The following UNC13B variants were observed in gnomAD, a reference collection of about 807,000 sequenced individuals.
UNC13B encodes the protein unc-13 homolog B, also known as protein unc-13 homolog B.
A neutral mutation model predicts 211.0 loss-of-function variants in UNC13B; 144 were observed. The ratio of observed to expected loss-of-function variants is 0.68; its 90% CI spans 0.60 to 0.78. UNC13B has a LOEUF of 0.78. UNC13B is among the 30% of genes least tolerant of loss of function. UNC13B has a pLI of 0.00. For missense variants in UNC13B, 1,777 were observed against 2,002.0 expected (o/e 0.89, Z 2.14); for synonymous variants, 709 against 725.8 (o/e 0.98, Z 0.37).
At position 35,237,806 on chromosome 9, in the gene UNC13B, C is replaced by T; in HGVS notation, c.374C>T (p.Thr125Ile). 1 of 1,613,010 alleles carries T rather than the reference C, an allele frequency of 6.2e-7. No individual in the cohort carries two copies. Reference protein sequence around the residue: ...NPTPHKILLDTRFELPFDIPE... With the variant: ...NPTPHKILLDIRFELPFDIPE... ...ACTCCTCATAAAATTTTGCTTGATA[C>T]AAGATTTGAGTTGCCTTTTGGTGAG... Residue 125 changes from threonine (T) to isoleucine (I), a missense_variant, in exon 5 of 40, where the codon ACA (threonine) becomes ATA (isoleucine). Coordinates refer to ENST00000635942, the MANE Select transcript of UNC13B (RefSeq NM_001371189.2).
intron 1 of UNC13B, among the ~76,000 whole-genome samples, chr9:35,184,757 AAAGG>A (rs58197398): frequency 0.57 from 60,203 of 105,982 alleles, 16,149 homozygotes; most frequent in South Asian, 0.63. Context: ...AGAAAGAAAG[AAAGG>A]AAGGAAGGAA....
At chr9:35,236,693 C>A in intron 4 of UNC13B, 107 bp downstream of exon 4, 1 of 1,024,790 alleles carries the variant, frequency 9.8e-7, no homozygotes. Context: ...GATTATTCTT[C>A]CCCCTTTCTA....
At chr9:35,254,213 G>A (rs768008139) in intron 6 of UNC13B, among the ~76,000 whole-genome samples, 11 of 152,192 alleles carry the variant, frequency 7.2e-5, no homozygotes, top group Middle Eastern at 3.4e-3. Flanking sequence ...GTGCTATAGG[G>A]GATTTCTTAG....
chr9:35,242,339 T>C (rs1033900897), intron 5 of UNC13B, among the ~76,000 whole-genome samples: 2 of 152,172 alleles, frequency 1.3e-5, no homozygotes, highest in African/African-American at 4.8e-5. Context: ...CATTTTTAAG[T>C]GTACAGTTCA....
chr9:35,399,861 A>T, intron 36 of UNC13B, 132 bp downstream of exon 36: 1 of 865,736 alleles, frequency 1.2e-6, no homozygotes, highest in Middle Eastern at 3.4e-4. Flanking sequence ...ATGTACTGCC[A>T]AGGATACAGA....
intron 1 of UNC13B, among the ~76,000 whole-genome samples, chr9:35,183,617 G>T (rs1822123962): frequency 5.0e-5 from 7 of 139,166 alleles, no homozygotes; most frequent in Middle Eastern, 4.5e-3. Context: ...CTCCCAGACG[G>T]GGCGGCCGGG....
intron 11 of UNC13B, among the ~76,000 whole-genome samples, chr9:35,366,493 G>A (rs1833779575): frequency 6.6e-6 from 1 of 152,128 alleles, no homozygotes; most frequent in African/African-American, 2.4e-5. Flanking sequence ...AAATGAGATA[G>A]GAATCCAGAG....
intron 11 of UNC13B, chr9:35,361,522 G>A (rs1025700893): frequency 1.8e-4 from 27 of 152,170 alleles, no homozygotes; most frequent in Non-Finnish European, 2.8e-4. Flanking sequence ...TCTAAGTCCT[G>A]AAAGTTATAG....
chr9:35,377,657 A>G lies in UNC13B; in HGVS notation c.10025A>G (p.Asp3342Gly). Residue 3342 changes from aspartate (D) to glycine (G), a missense_variant, in exon 16 of 40, where the codon GAT becomes GGT. Transcript: ENST00000635942. ...QMKTVKQSVL[D>G]GTSKWSAKIT... ...AAAACAGTGAAGCAGAGTGTACTGG[A>G]TGGCACCTCCAAATGGTCAGCCAAG... The G allele has an allele frequency of 6.2e-7, 1 of 1,614,168 alleles. No individual in the cohort carries two copies.
At chr9:35,365,576 T>G (rs1443625380) in intron 11 of UNC13B, among the ~76,000 whole-genome samples, 1 of 148,076 alleles carries the variant, frequency 6.8e-6, no homozygotes, top group Non-Finnish European at 1.5e-5. Context: ...ATTTAGGGAT[T>G]GGCTCCCCAA....
chr9:35,184,899 T>G (rs1277798489), intron 1 of UNC13B, among the ~76,000 whole-genome samples: 2 of 151,808 alleles, frequency 1.3e-5, no homozygotes, highest in Non-Finnish European at 2.9e-5. Context: ...TTTAAAAATG[T>G]TTCTTTACCT....
intron 37 of UNC13B, chr9:35,402,124 T>G: frequency 2.0e-5 from 18 of 908,348 alleles, no homozygotes; most frequent in Non-Finnish European, 3.1e-5. Flanking sequence ...TTAGGAGCTC[T>G]ATCTCAAGTC....
intron 1 of UNC13B, among the ~76,000 whole-genome samples, chr9:35,209,218 C>T (rs962692989): frequency 1.3e-5 from 2 of 152,102 alleles, no homozygotes; most frequent in African/African-American, 4.8e-5. Flanking sequence ...GCATATACCA[C>T]CGCACCGGCT....
chr9:35,267,511 G>T (rs1827642404), intron 7 of UNC13B, among the ~76,000 whole-genome samples: 1 of 152,188 alleles, frequency 6.6e-6, no homozygotes. Flanking sequence ...TTATTCACAT[G>T]CTGTGTCAGT....
In UNC13B at chr9:35,400,316, C is replaced by T; in HGVS notation, c.12357C>T (p.Gly4119=). The change falls in exon 37 of 40, where the codon GGC becomes GGT. Residue 4119 remains glycine (G), a synonymous_variant. Coordinates refer to ENST00000635942, the MANE Select transcript of UNC13B (RefSeq NM_001371189.2). Reference sequence around the variant, plus strand: ...TGCAGCAATACTTCCATGCAGGAGGCAATGGGCTGAAGAAAACCTTCCTGG... The same window carrying T: ...TGCAGCAATACTTCCATGCAGGAGGTAATGGGCTGAAGAAAACCTTCCTGG... ...DTIKQYFHAG[G]NGLKKTFLEK... is the part of the protein sequence containing the mutation. The T allele has an allele frequency of 1.9e-6, 3 of 1,614,074 alleles. No homozygotes were observed. The highest frequency in any genetic ancestry group is 1.1e-5 in the South Asian group (1 of 91,074).
At position 35,342,959 on chromosome 9, in the gene UNC13B, AT is replaced by A. The variant is rs373462985; in HGVS notation, c.9415-23986del. On this transcript the variant is annotated intron_variant, in intron 11 of 39. Transcript: ENST00000635942. ...AAAAAACCACCATCCTAATGTATTA[AT>A]TCATCCCTTTCATGTGTGTATATGC... Among the ~76,000 whole-genome samples, 97 of 152,344 alleles carry A rather than the reference AT, an allele frequency of 6.4e-4. 1 individual carries two copies. In the South Asian group the frequency reaches 0.016, roughly 24 times the overall value.
At chr9:35,227,933 G>C (rs766424636) in intron 1 of UNC13B, 82 bp from the exon 2 acceptor site, 14 of 1,167,930 alleles carry the variant, frequency 1.2e-5, no homozygotes, top group Non-Finnish European at 1.8e-5. Flanking sequence ...TTCTAACATT[G>C]GTATGTAGTG....
intron 1 of UNC13B, among the ~76,000 whole-genome samples, chr9:35,207,058 A>G (rs567669146): frequency 1.9e-4 from 29 of 152,272 alleles, no homozygotes; most frequent in Non-Finnish European, 3.7e-4. Flanking sequence ...ACTATTTTTC[A>G]AAGTGGCTGT....
At chr9:35,321,091 CA>C (rs1215257103) in intron 11 of UNC13B, among the ~76,000 whole-genome samples, 5 of 150,502 alleles carry the variant, frequency 3.3e-5, no homozygotes, top group East Asian at 2.1e-4. Context: ...TGGATTTAAA[CA>C]TTTTTTTTCT....
Sources: allele counts gnomAD v4.1 joint callset (sites outside exome capture counted in the v4.1 genomes callset), GRCh38; gene constraint gnomAD v4.1.1; transcripts MANE v1.5; gene names NCBI Gene and HGNC (gene_info 2026-07-23, HGNC 2026-07-21).